GRAMD1C: variants seen among roughly 807,000 people sequenced by gnomAD.
GRAMD1C encodes GRAM domain containing 1C.
GRAMD1C carries 89 observed loss-of-function variants against 97.8 expected under a neutral mutation model. That is an observed-to-expected ratio of 0.91 (90% CI 0.77 to 1.09). The LOEUF (loss-of-function observed/expected upper bound fraction) is 1.09, where lower values mean the gene tolerates loss of function less well. GRAMD1C is among the 50% of genes least tolerant of loss of function. The probability of loss-of-function intolerance (pLI) is 0.00; values close to 1 mark genes in which losing one functional copy is unlikely to be tolerated. For synonymous variants in GRAMD1C, 256 were observed against 267.0 expected (o/e 0.96, Z 0.40); for missense variants, 740 against 766.4 (o/e 0.97, Z 0.41).
intron 10 of GRAMD1C, among the ~76,000 whole-genome samples, chr3:113,923,287 G>A (rs1937124560): frequency 6.6e-6 from 1 of 152,128 alleles, no homozygotes; most frequent in South Asian, 2.1e-4. Context: ...GTTCTGGTTA[G>A]GACTTCCAGT....
intron 2 of GRAMD1C, among the ~76,000 whole-genome samples, chr3:113,845,442 A>C (rs970353411): frequency 1.6e-4 from 25 of 152,168 alleles, no homozygotes; most frequent in African/African-American, 6.0e-4. Flanking sequence ...CTGTAATCCC[A>C]GCGTTTTGGG....
chr3:113,945,464 G>T lies in GRAMD1C; in HGVS notation c.1975G>T (p.Ala659Ser). ...DLLNKNKTGM[A>S]VES ...ACTAAATAAGAATAAGACTGGCATG[G>T]CTGTTGAAAGCTAGTGATCTGAAGG... The change falls in exon 18 of 18, where the codon GCT (alanine) becomes TCT (serine). Residue 659 changes from alanine to serine, a missense_variant. By Grantham distance (99) the Ala-to-Ser change is moderately conservative. Coordinates refer to ENST00000358160, the MANE Select transcript of GRAMD1C (RefSeq NM_017577.5). 1 of 1,579,350 alleles carries T rather than the reference G, an allele frequency of 6.3e-7. No homozygotes were observed.
At chr3:113,929,650 C>G (rs539751709) in intron 10 of GRAMD1C, among the ~76,000 whole-genome samples, 1 of 152,180 alleles carries the variant, frequency 6.6e-6, no homozygotes, top group East Asian at 1.9e-4. Context: ...TTTATATATA[C>G]CTAAATAAAT....
chr3:113,832,830 T>C (rs973077741), intron 1 of GRAMD1C, among the ~76,000 whole-genome samples: 1 of 152,208 alleles, frequency 6.6e-6, no homozygotes, highest in Non-Finnish European at 1.5e-5. Context: ...GCTTTCTGTG[T>C]GTGCTGGGTA....
At chr3:113,865,998 A>G (rs1934571199) in intron 2 of GRAMD1C, among the ~76,000 whole-genome samples, 1 of 152,112 alleles carries the variant, frequency 6.6e-6, no homozygotes, top group Non-Finnish European at 1.5e-5. Flanking sequence ...TTTGTGGCCT[A>G]GCATATGGTC....
At chr3:113,942,915 C>T (rs1937874750) in intron 17 of GRAMD1C, among the ~76,000 whole-genome samples, 1 of 152,180 alleles carries the variant, frequency 6.6e-6, no homozygotes, top group Non-Finnish European at 1.5e-5. Flanking sequence ...TGTTGGTTCT[C>T]AGCATTACTT....
intron 9 of GRAMD1C, among the ~76,000 whole-genome samples, chr3:113,914,953 C>T (rs1936751361): frequency 6.6e-6 from 1 of 152,098 alleles, no homozygotes; most frequent in South Asian, 2.1e-4. Context: ...ATATAGTAAG[C>T]ACTATGTAAG....
chr3:113,877,040 G>A (rs1005876492), intron 5 of GRAMD1C, among the ~76,000 whole-genome samples: 1 of 151,990 alleles, frequency 6.6e-6, no homozygotes, highest in Non-Finnish European at 1.5e-5. Context: ...TAGAGACAGG[G>A]TCTTGCCATG....
At chr3:113,872,843 G>A (rs62265403) in intron 3 of GRAMD1C, among the ~76,000 whole-genome samples, 74,525 of 148,590 alleles carry the variant, frequency 0.5, 19,301 homozygotes, top group Middle Eastern at 0.67. Flanking sequence ...AGGCCGAGGC[G>A]GGCAGATCGC....
At chr3:113,933,716 C>G in intron 12 of GRAMD1C, 63 bp downstream of exon 12, 1 of 1,165,146 alleles carries the variant, frequency 8.6e-7, no homozygotes. Context: ...TTTATTCATC[C>G]TGAATTCTTA....
At chr3:113,855,726 A>G (rs1224604435) in intron 2 of GRAMD1C, among the ~76,000 whole-genome samples, 2 of 151,818 alleles carry the variant, frequency 1.3e-5, no homozygotes, top group Non-Finnish European at 2.9e-5. Context: ...AAGAAAGAAA[A>G]AAATCATAAT....
chr3:113,882,340 A>AT (rs1309162262), intron 5 of GRAMD1C, among the ~76,000 whole-genome samples: 1 of 152,088 alleles, frequency 6.6e-6, no homozygotes, highest in Non-Finnish European at 1.5e-5. Flanking sequence ...ATCCACATGT[A>AT]TTTTTTTCTT....
chr3:113,918,156 A>C (rs1458406096), intron 10 of GRAMD1C, among the ~76,000 whole-genome samples: 1 of 152,160 alleles, frequency 6.6e-6, no homozygotes, highest in Non-Finnish European at 1.5e-5. Flanking sequence ...AATTTAAAAA[A>C]ATTATCTTTT....
intron 2 of GRAMD1C, among the ~76,000 whole-genome samples, chr3:113,861,182 G>A (rs969210079): frequency 6.6e-6 from 1 of 151,894 alleles, no homozygotes; most frequent in Non-Finnish European, 1.5e-5. Context: ...CCATATACAC[G>A]AATCAACTTG....
chr3:113,832,953 T>C (rs2566984), intron 1 of GRAMD1C, among the ~76,000 whole-genome samples: 148,392 of 152,114 alleles, frequency 0.98, 72,504 homozygotes, highest in East Asian at 1. Flanking sequence ...GTTCCCAGCT[T>C]TGGGCATGGA....
intron 10 of GRAMD1C, among the ~76,000 whole-genome samples, chr3:113,920,475 T>A (rs1265349294): frequency 6.6e-6 from 1 of 152,214 alleles, no homozygotes; most frequent in Non-Finnish European, 1.5e-5. Context: ...AGCACTCAGA[T>A]GTGCATCAGC....
At chr3:113,912,216 G>A (rs558282299) in intron 9 of GRAMD1C, among the ~76,000 whole-genome samples, 2 of 152,124 alleles carry the variant, frequency 1.3e-5, no homozygotes, top group South Asian at 2.1e-4. Context: ...CCTTTAACTC[G>A]GAAGGGTTGA....
chr3:113,837,920 GA>G (rs921136774), upstream of GRAMD1C, among the ~76,000 whole-genome samples: 2 of 152,100 alleles, frequency 1.3e-5, no homozygotes, highest in African/African-American at 4.8e-5. Context: ...AAGAAAAAGA[GA>G]AAAAAGAGTT....
At chr3:113,944,510 GA>G (rs748423318) in intron 17 of GRAMD1C, among the ~76,000 whole-genome samples, 2 of 152,170 alleles carry the variant, frequency 1.3e-5, no homozygotes, top group Non-Finnish European at 2.9e-5. Context: ...TTCCCAAACT[GA>G]TTATGTCCAA....
Sources: gnomAD v4.1 joint callset for allele counts (sites outside exome capture counted in the v4.1 genomes callset) on GRCh38, gnomAD v4.1.1 for gene constraint, MANE v1.5 for transcripts, NCBI Gene and HGNC (gene_info 2026-07-23, HGNC 2026-07-21) for gene names.